Variants in CCDC68 observed in about 807,000 individuals in gnomAD.
CCDC68 encodes coiled-coil domain containing 68.
CCDC68 carries 45 observed loss-of-function variants against 47.1 expected under a neutral mutation model. The ratio of observed to expected loss-of-function variants is 0.96; its 90% CI spans 0.75 to 1.23. The LOEUF (loss-of-function observed/expected upper bound fraction) is 1.23. CCDC68 is among the 50% of genes most tolerant of loss of function. The probability of loss-of-function intolerance (pLI) is 0.00; values close to 1 mark genes in which losing one functional copy is unlikely to be tolerated. For missense variants in CCDC68, 353 were observed against 373.6 expected (o/e 0.94, Z 0.45); for synonymous variants, 131 against 129.5 (o/e 1.01, Z -0.08).
chr18:54,937,919 G>A (rs1337886690), intron 5 of CCDC68, 38 bp downstream of exon 5: 1 of 1,585,986 alleles, frequency 6.3e-7, no homozygotes, highest in South Asian at 1.2e-5. Flanking sequence ...TAGCTCGAAG[G>A]CTCAAAACAC....
chr18:54,950,925 T>C (rs2044606695), intron 1 of CCDC68, among the ~76,000 whole-genome samples: 1 of 92,224 alleles, frequency 1.1e-5, no homozygotes. Context: ...TTTTTTTTTT[T>C]TGAGACGGAG....
intron 8 of CCDC68, among the ~76,000 whole-genome samples, chr18:54,921,392 AAT>A (rs2044057860): frequency 1.3e-5 from 2 of 152,256 alleles, no homozygotes; most frequent in South Asian, 4.1e-4. Context: ...TAATTGGTCC[AAT>A]AGAGTCCTGG....
At chr18:54,927,776 G>A (rs573035566) in intron 8 of CCDC68, among the ~76,000 whole-genome samples, 2 of 152,318 alleles carry the variant, frequency 1.3e-5, no homozygotes, top group East Asian at 3.9e-4. Flanking sequence ...TGTTTCAAAT[G>A]TGTGTGTGTA....
chr18:54,915,745 A>G (rs1158903777), intron 10 of CCDC68, among the ~76,000 whole-genome samples: 2 of 152,122 alleles, frequency 1.3e-5, no homozygotes, highest in Non-Finnish European at 2.9e-5. Context: ...CCTGGCCAAC[A>G]TGGTGAAACC....
At chr18:54,909,730 G>A (rs1015864141) in intron 10 of CCDC68, among the ~76,000 whole-genome samples, 4 of 152,222 alleles carry the variant, frequency 2.6e-5, no homozygotes, top group Non-Finnish European at 4.4e-5. Context: ...CTGGCTCTGC[G>A]AGGCTGCGGC....
intron 11 of CCDC68, 137 bp from the exon 12 acceptor site, chr18:54,904,552 A>AC: frequency 1.5e-6 from 1 of 685,152 alleles, no homozygotes; most frequent in South Asian, 1.9e-5. Flanking sequence ...AGATGTGTTA[A>AC]TAGATGTATT....
rs1913866322 is a variant in CCDC68, at chr18:54,904,450, A to C, written c.951-35T>G. The C allele has an allele frequency of 1.9e-6, 3 of 1,548,978 alleles. No homozygotes were observed. In the African/African-American group the frequency reaches 4.1e-5, roughly 21 times the overall value. On this transcript the variant is annotated intron_variant, in intron 11 of 11. Coordinates refer to ENST00000591504, the MANE Select transcript of CCDC68 (RefSeq NM_025214.3). ...AGACAACACGATGATCAAAATGGAG[A>C]ATGTTAAACTCTAGTGATTATGGCT...
chr18:54,934,770 T>G, intron 7 of CCDC68, 50 bp downstream of exon 7: 1 of 1,303,110 alleles, frequency 7.7e-7, no homozygotes, highest in Non-Finnish European at 1.0e-6. Flanking sequence ...TATTTCATTC[T>G]CATCCTAATG....
intron 8 of CCDC68, among the ~76,000 whole-genome samples, chr18:54,920,392 C>T (rs910004814): frequency 6.6e-6 from 1 of 151,956 alleles, no homozygotes; most frequent in African/African-American, 2.4e-5. Context: ...AAGCATGCAC[C>T]ACCACACCTG....
rs1913796998 is a variant in CCDC68 at position 54,903,455 on chromosome 18, A to C, written c.*903T>G. ...ACTATATATATCTTTCCAATTCATAAATTCAGATTCTTTCTGGCTGCAGAC... is the reference window on the plus strand; with the variant it reads ...ACTATATATATCTTTCCAATTCATACATTCAGATTCTTTCTGGCTGCAGAC... On this transcript the variant is annotated 3_prime_UTR_variant, in exon 12 of 12. Coordinates refer to ENST00000591504, the MANE Select transcript of CCDC68 (RefSeq NM_025214.3). The C allele has an allele frequency of 6.6e-6, 1 of 152,198 alleles. No individual in the cohort carries two copies. The highest frequency in any genetic ancestry group is 2.4e-5 in the African/African-American group (1 of 41,446). The allele number at this position is 152,198 out of a possible 1,614,324, so 9.4% of individuals were successfully genotyped here. A position where few individuals can be genotyped will look rare whatever the true frequency, so the allele number is the denominator to read the frequency against.
At chr18:54,949,160 AT>A (rs1035471145) in intron 1 of CCDC68, among the ~76,000 whole-genome samples, 1 of 151,784 alleles carries the variant, frequency 6.6e-6, no homozygotes, top group East Asian at 1.9e-4. Flanking sequence ...AACCCAGCTA[AT>A]TTTTTTGTAT....
rs2044345401 is a variant in CCDC68, at chr18:54,936,259, A to AAAAAT, written c.471+569_471+573dup. On this transcript the variant is annotated intron_variant, in intron 6 of 11. Coordinates refer to ENST00000591504, the MANE Select transcript of CCDC68 (RefSeq NM_025214.3). ...AAAAAATATATAGTTATATATATTT[A>AAAAAT]AAAATATATAGTTATATATTTTTAA... is the stretch of plus-strand genomic sequence containing the variant. Among the ~76,000 whole-genome samples, 3 of 145,394 alleles carry AAAAAT rather than the reference A, an allele frequency of 2.1e-5. No individual in the cohort carries two copies. The South Asian group carries it at 6.3e-4, about 31-fold the overall frequency.
intron 10 of CCDC68, among the ~76,000 whole-genome samples, chr18:54,908,504 A>T (rs1291082708): frequency 2.0e-5 from 3 of 152,204 alleles, no homozygotes; most frequent in Non-Finnish European, 4.4e-5. Context: ...TTAGAGCACA[A>T]GTTCTCAGGT....
intron 9 of CCDC68, 35 bp downstream of exon 9, chr18:54,919,236 C>T (rs2044009868): frequency 1.3e-6 from 2 of 1,514,056 alleles, no homozygotes; most frequent in Non-Finnish European, 1.8e-6. Context: ...TGTAAACATA[C>T]TGTCTACCAG....
intron 1 of CCDC68, among the ~76,000 whole-genome samples, chr18:54,954,961 T>C (rs560790997): frequency 2.0e-5 from 3 of 151,556 alleles, no homozygotes; most frequent in African/African-American, 7.2e-5. Flanking sequence ...TTATTTAACC[T>C]ACATTATCTT....
intron 6 of CCDC68, among the ~76,000 whole-genome samples, chr18:54,935,151 A>T (rs1372800743): frequency 6.6e-6 from 1 of 152,216 alleles, no homozygotes; most frequent in Non-Finnish European, 1.5e-5. Context: ...ATAATGTATA[A>T]ATATTCTTCC....
At chr18:54,919,998 T>C (rs2044028438) in intron 8 of CCDC68, among the ~76,000 whole-genome samples, 1 of 152,196 alleles carries the variant, frequency 6.6e-6, no homozygotes, top group African/African-American at 2.4e-5. Flanking sequence ...ACATCCATCA[T>C]TATGGAAAAA....
Position 54,902,172 on chromosome 18 carries a change from C to G in CCDC68, c.*2186G>C, listed in dbSNP as rs574147709. On this transcript the variant is annotated 3_prime_UTR_variant, in exon 12 of 12. Transcript: ENST00000591504. ...CAGATCTCTTTCACTGTCATAATTTCCTCACTGTTATCATTTTTGCATAGG... is the reference window on the plus strand; with the variant it reads ...CAGATCTCTTTCACTGTCATAATTTGCTCACTGTTATCATTTTTGCATAGG... The G allele has an allele frequency of 1.3e-5, 2 of 152,300 alleles. No homozygotes were observed. Among genetic ancestry groups the G allele is most frequent in the South Asian group, 4.2e-4 (2 of 4,816 alleles). The allele number at this position is 152,300 out of a possible 1,614,324, so 9.4% of individuals were successfully genotyped here.
chr18:54,918,089 G>A, intron 9 of CCDC68, 93 bp from the exon 10 acceptor site: 1 of 612,054 alleles, frequency 1.6e-6, no homozygotes, highest in Non-Finnish European at 2.8e-6. Context: ...GAGGTCAAAA[G>A]ATGTTCATCA....
Sources: allele counts gnomAD v4.1 joint callset (sites outside exome capture counted in the v4.1 genomes callset), GRCh38; gene constraint gnomAD v4.1.1; transcripts MANE v1.5; gene names NCBI Gene and HGNC (gene_info 2026-07-23, HGNC 2026-07-21).